IGF2R: variants seen among roughly 807,000 people sequenced by gnomAD.
IGF2R encodes the protein cation-independent mannose-6-phosphate receptor.
IGF2R carries 91 observed loss-of-function variants against 270.6 expected under a neutral mutation model. That is an observed-to-expected ratio of 0.34 (90% CI 0.28 to 0.40). The LOEUF is 0.40. Ranked by LOEUF, IGF2R falls within the 10% of genes least tolerant of loss-of-function variation. The pLI, the probability that IGF2R is intolerant of heterozygous loss-of-function variation, is 1.00. For missense variants in IGF2R, 2,805 were observed against 3,188.3 expected, an observed-to-expected ratio of 0.88 and a Z score of 2.90; for synonymous variants, 1,316 against 1,258.9, an observed-to-expected ratio of 1.05 and a Z score of -0.96.
chr6:160,070,194 T>C (rs966654998), intron 31 of IGF2R, 136 bp downstream of exon 31: 2 of 851,598 alleles, frequency 2.3e-6, no homozygotes, highest in Non-Finnish European at 3.7e-6. Flanking sequence ...TTACCAGAGG[T>C]TGGGGGAACA....
chr6:160,025,658 C>T (rs1777543719), intron 5 of IGF2R, among the ~76,000 whole-genome samples: 1 of 152,070 alleles, frequency 6.6e-6, no homozygotes, highest in Non-Finnish European at 1.5e-5. Context: ...CCAAAAGTAA[C>T]CAATGATAAC....
In IGF2R at chr6:159,974,604, A is replaced by C. The variant is rs142639018; in HGVS notation, c.149+5209A>C. 2.4e-4 allele frequency among the ~76,000 whole-genome samples: 36 copies of C among 152,304 alleles called. 1 individual carries two copies. In the East Asian group the frequency reaches 4.8e-3, roughly 20 times the overall value. Reference sequence around the variant, plus strand: ...TGAGAAATCAACCTTAAAACTAGTGACATTTGACCTGGGTAATTTTTTGTT... The same window carrying C: ...TGAGAAATCAACCTTAAAACTAGTGCCATTTGACCTGGGTAATTTTTTGTT... On this transcript the variant is annotated intron_variant, in intron 1 of 47. Transcript: ENST00000356956.
At chr6:160,060,739 A>G (rs1440055435) in intron 23 of IGF2R, 22 bp downstream of exon 23, 5 of 1,612,916 alleles carry the variant, frequency 3.1e-6, no homozygotes, top group Non-Finnish European at 4.2e-6. Context: ...CGGCCTAAGA[A>G]CTGAGAGGCC....
At chr6:160,064,154 A>G (rs764292650) in intron 27 of IGF2R, among the ~76,000 whole-genome samples, 4 of 152,234 alleles carry the variant, frequency 2.6e-5, no homozygotes, top group Non-Finnish European at 5.9e-5. Context: ...CCCTTAGGTG[A>G]TGAGGCTAAG....
chr6:160,065,802 G>A (rs1383241722), intron 29 of IGF2R, among the ~76,000 whole-genome samples: 4 of 61,686 alleles, frequency 6.5e-5, no homozygotes, highest in Non-Finnish European at 9.0e-5. Context: ...GTGTGTGTGT[G>A]TGTGTGTGTG....
intron 1 of IGF2R, among the ~76,000 whole-genome samples, chr6:159,986,383 G>A (rs538948058): frequency 6.7e-6 from 1 of 150,134 alleles, no homozygotes; most frequent in Non-Finnish European, 1.5e-5. Context: ...AAGCGTGCGC[G>A]ACCATGCCTG....
At chr6:160,075,330 G>GAAC (rs1400495448) in intron 35 of IGF2R, among the ~76,000 whole-genome samples, 1 of 152,190 alleles carries the variant, frequency 6.6e-6, no homozygotes, top group Non-Finnish European at 1.5e-5. Context: ...AATGAACAGT[G>GAAC]AACACCTCCT....
rs960016905 is a variant in IGF2R, at chr6:160,047,143, C to T, written c.2052-16C>T. 20 of 1,612,880 alleles carry T rather than the reference C, an allele frequency of 1.2e-5. No individual in the cohort carries two copies. Among genetic ancestry groups the T allele is most frequent in the South Asian group, 2.2e-5 (2 of 91,062 alleles). ...CCCCTCAGGTCTTTGCTGAGAGAAA[C>T]GTGTGTTTATTTCAGTGATGAGAAG... On this transcript the variant is annotated splice_polypyrimidine_tract_variant and intron_variant, in intron 15 of 47. Transcript: ENST00000356956.
Position 160,068,279 on chromosome 6 carries a change from G to A in IGF2R, c.4146G>A (p.Ser1382=), listed in dbSNP as rs755737323. ...GGGCTGGCAACTCCTTCGACCTCTC[G>A]TCCCTGTCAAGGTACAGTGACAACT... ...KDGAGNSFDL[S]SLSRYSDNWE... is the part of the protein sequence containing the mutation. The change falls in exon 30 of 48, where the codon TCG becomes TCA. Residue 1382 remains serine (S), a synonymous_variant. Coordinates refer to ENST00000356956, the MANE Select transcript of IGF2R (RefSeq NM_000876.4). 27 of 1,614,070 alleles carry A rather than the reference G, an allele frequency of 1.7e-5. No individual in the cohort carries two copies. The highest frequency in any genetic ancestry group is 1.6e-4 in the Middle Eastern group (1 of 6,084).
chr6:160,023,603 G>C (rs541549425), intron 4 of IGF2R, among the ~76,000 whole-genome samples: 1 of 152,246 alleles, frequency 6.6e-6, no homozygotes, highest in Non-Finnish European at 1.5e-5. Context: ...ATGGCACGTG[G>C]GGAAGCTGAG....
chr6:160,051,880 T>G (rs1226968640), intron 19 of IGF2R, among the ~76,000 whole-genome samples: 1 of 151,890 alleles, frequency 6.6e-6, no homozygotes, highest in Non-Finnish European at 1.5e-5. Context: ...GAGGATTCCT[T>G]GAGCCCAGGA....
chr6:160,071,184 G>A (rs551142526), intron 31 of IGF2R, among the ~76,000 whole-genome samples: 4 of 137,868 alleles, frequency 2.9e-5, no homozygotes, highest in South Asian at 4.7e-4. Context: ...GGTGAAGGGT[G>A]TGTGGAGGCC....
intron 41 of IGF2R, 129 bp from the exon 42 acceptor site, chr6:160,087,904 G>A: frequency 1.6e-6 from 1 of 638,770 alleles, no homozygotes; most frequent in Non-Finnish European, 2.9e-6. Context: ...TCTAACTCCT[G>A]ACCTCAAGTG....
rs941510825 is a variant in IGF2R at position 160,102,218 on chromosome 6, G to C, written c.6843-301G>C. 6.6e-6 allele frequency among the ~76,000 whole-genome samples: 1 copy of C among 152,220 alleles called. No homozygotes were observed. The highest frequency in any genetic ancestry group is 2.4e-5 in the African/African-American group (1 of 41,458). On this transcript the variant is annotated intron_variant, in intron 45 of 47. Transcript: ENST00000356956. This position sits in a 1 kb window ranked among gnomAD's most constrained non-coding sequence, Gnocchi z 4.5. ...CTGCCGTGGATTGGGCCACCTAGAGGGGGCCGCGTCCCTCCTGCCTGTCTC... is the reference window on the plus strand; with the variant it reads ...CTGCCGTGGATTGGGCCACCTAGAGCGGGCCGCGTCCCTCCTGCCTGTCTC...
At chr6:160,063,038 AG>A (rs891298429) in intron 26 of IGF2R, among the ~76,000 whole-genome samples, 1 of 143,548 alleles carries the variant, frequency 7.0e-6, no homozygotes, top group African/African-American at 2.6e-5. Flanking sequence ...AAATTGTAAA[AG>A]TTTTTTTTTT....
Position 160,045,866 on chromosome 6 carries a change from C to T in IGF2R, c.1887C>T (p.Val629=). The T allele has an allele frequency of 6.3e-7, 1 of 1,576,392 alleles. No homozygotes were observed. The highest frequency in any genetic ancestry group is 8.6e-7 in the Non-Finnish European group (1 of 1,162,472). The change falls in exon 14 of 48, where the codon GTC becomes GTT. Residue 629 remains valine, a synonymous_variant. Coordinates refer to ENST00000356956, the MANE Select transcript of IGF2R (RefSeq NM_000876.4). ...LSKTEGENCT[V]FDSQAGFSFD... ...AGACAGAAGGGGAGAACTGCACGGTCTTTGACTCCCAGGCAGGTCTGTGTC... is the reference window on the plus strand; with the variant it reads ...AGACAGAAGGGGAGAACTGCACGGTTTTTGACTCCCAGGCAGGTCTGTGTC...
At chr6:159,974,872 T>G (rs900878827) in intron 1 of IGF2R, among the ~76,000 whole-genome samples, 3 of 152,252 alleles carry the variant, frequency 2.0e-5, no homozygotes, top group Non-Finnish European at 4.4e-5. Context: ...TGGTTTTAAC[T>G]TTGATTCCTT....
Position 160,083,336 on chromosome 6 carries a change from G to A in IGF2R, c.5834-614G>A, listed in dbSNP as rs530975286. 3.3e-5 allele frequency among the ~76,000 whole-genome samples: 5 copies of A among 152,316 alleles called. No individual in the cohort carries two copies. In the South Asian group the frequency reaches 1.0e-3, roughly 32 times the overall value. On this transcript the variant is annotated intron_variant, in intron 39 of 47. Coordinates refer to ENST00000356956, the MANE Select transcript of IGF2R (RefSeq NM_000876.4). ...AACGTGTCTCGCCTCCCGCCACAGG[G>A]CAGCTTTTCTCCTATCTCAGAGTTG...
intron 10 of IGF2R, among the ~76,000 whole-genome samples, chr6:160,036,183 C>T (rs1777819820): frequency 6.6e-6 from 1 of 152,174 alleles, no homozygotes; most frequent in South Asian, 2.1e-4. Flanking sequence ...ACATCTGACT[C>T]GTGAATGAGA....
Sources: gnomAD v4.1 joint callset for allele counts (sites outside exome capture counted in the v4.1 genomes callset) on GRCh38, gnomAD v4.1.1 for gene constraint, Gnocchi (gnomAD v3.1) non-coding constraint, MANE v1.5 for transcripts, NCBI Gene and HGNC (gene_info 2026-07-23, HGNC 2026-07-21) for gene names.